ELAPOR2: variants seen among roughly 807,000 people sequenced by gnomAD.
ELAPOR2 encodes the protein endosome/lysosome-associated apoptosis and autophagy regulator family member 2.
ELAPOR2 carries 89 observed loss-of-function variants against 120.7 expected under a neutral mutation model. The observed-to-expected ratio is 0.74, with a 90% CI of 0.62 to 0.88. ELAPOR2 has a LOEUF of 0.88. Among genes scored for constraint, ELAPOR2 ranks in the 40% least tolerant of loss-of-function variants. ELAPOR2 has a pLI of 0.00. For missense variants in ELAPOR2, 1,134 were observed against 1,251.6 expected (o/e 0.91, Z 1.42); for synonymous variants, 444 against 444.9 (o/e 1.00, Z 0.03).
chr7:86,964,915 C>T lies in ELAPOR2; in HGVS notation c.299G>A (p.Gly100Asp). ...DCSGLPDPVRGKECTFSCASG... is the reference protein window; with the variant it reads ...DCSGLPDPVRDKECTFSCASG... Reference sequence around the variant, plus strand: ...ATGACAAAACATACTGCATTCTTTGCCTCTCACTGGGTCAGGCAGGCCAGA... The same window carrying T: ...ATGACAAAACATACTGCATTCTTTGTCTCTCACTGGGTCAGGCAGGCCAGA... The change falls in exon 2 of 22, where the codon GGC becomes GAC. Residue 100 changes from glycine to aspartate, a missense_variant. Gly to Asp is a moderately conservative substitution (Grantham distance 94). Around this residue, in one of 3 missense-constraint regions of ELAPOR2, gnomAD observed 280 missense variants for 331.5 expected, o/e 0.84. Coordinates refer to ENST00000450689, the MANE Select transcript of ELAPOR2 (RefSeq NM_001142749.3). The T allele has an allele frequency of 3.2e-6, 5 of 1,551,416 alleles. No homozygotes were observed. Among genetic ancestry groups the T allele is most frequent in the Non-Finnish European group, 4.4e-6 (5 of 1,146,820 alleles).
At chr7:87,027,132 A>T (rs1045496378) in intron 1 of ELAPOR2, among the ~76,000 whole-genome samples, 1 of 152,138 alleles carries the variant, frequency 6.6e-6, no homozygotes, top group African/African-American at 2.4e-5. Flanking sequence ...GATGGTACAT[A>T]TATTTAATGT....
At chr7:87,000,404 T>C (rs1793279378) in intron 1 of ELAPOR2, among the ~76,000 whole-genome samples, 1 of 152,004 alleles carries the variant, frequency 6.6e-6, no homozygotes, top group South Asian at 2.1e-4. Context: ...TATTAAGGTG[T>C]CATGTAAATA....
At chr7:87,016,306 G>A (rs1793865683) in intron 1 of ELAPOR2, among the ~76,000 whole-genome samples, 1 of 151,992 alleles carries the variant, frequency 6.6e-6, no homozygotes, top group Non-Finnish European at 1.5e-5. Flanking sequence ...GGATTTACAA[G>A]TAAGGGGATG....
At chr7:86,945,695 T>C (rs1790970397) in intron 3 of ELAPOR2, among the ~76,000 whole-genome samples, 1 of 152,152 alleles carries the variant, frequency 6.6e-6, no homozygotes, top group Non-Finnish European at 1.5e-5. Flanking sequence ...TATATAAAGG[T>C]ACAATAATAA....
chr7:86,954,594 T>C (rs1457222261), intron 2 of ELAPOR2, among the ~76,000 whole-genome samples: 1 of 152,128 alleles, frequency 6.6e-6, no homozygotes, highest in Non-Finnish European at 1.5e-5. Context: ...TTATTACAGA[T>C]AAATATCTGG....
chr7:86,894,453 C>T (rs867159319), intron 19 of ELAPOR2, among the ~76,000 whole-genome samples: 26 of 151,780 alleles, frequency 1.7e-4, no homozygotes, highest in African/African-American at 6.1e-4. Flanking sequence ...AAGACTGTAC[C>T]ATCTTTGATA....
rs567490560 is a variant in ELAPOR2 at position 87,053,931 on chromosome 7, C to T, written c.189+5394G>A. Reference sequence around the variant, plus strand: ...CATTCTCACTGCACACGGAAATTTTCCGTCACTGTACTTATGGCAAATGTA... The same window carrying T: ...CATTCTCACTGCACACGGAAATTTTTCGTCACTGTACTTATGGCAAATGTA... On this transcript the variant is annotated intron_variant, in intron 1 of 21. Transcript: ENST00000450689. Among the ~76,000 whole-genome samples, 4 of 152,258 alleles carry T rather than the reference C, an allele frequency of 2.6e-5. No individual in the cohort carries two copies. In the East Asian group the frequency reaches 7.7e-4, roughly 29 times the overall value.
Position 86,913,066 on chromosome 7 carries a change from C to T in ELAPOR2, c.1870G>A (p.Gly624Ser). ...TTGGTTTCTTTCTCAATGTAGTGGC[C>T]TGGAGGGCAGGGGACACACGATGAA... ...SGSSCVPCPP[G>S]HYIEKETNQC... is the part of the protein sequence containing the mutation. Residue 624 changes from glycine (G) to serine (S), a missense_variant, in exon 14 of 22, where the codon GGC becomes AGC. This residue lies in a region of ELAPOR2 where 831 missense variants were observed against 867.6 expected (regional missense o/e 0.96). Transcript: ENST00000450689. 6.2e-7 allele frequency: 1 copy of T among 1,614,040 alleles called. No homozygotes were observed. Among genetic ancestry groups the T allele is most frequent in the Non-Finnish European group, 8.5e-7 (1 of 1,179,992 alleles).
chr7:87,037,059 T>A (rs1794611160), intron 1 of ELAPOR2, among the ~76,000 whole-genome samples: 1 of 152,162 alleles, frequency 6.6e-6, no homozygotes, highest in African/African-American at 2.4e-5. Flanking sequence ...CCTTCTCTAC[T>A]GGCTGTACCT....
intron 1 of ELAPOR2, among the ~76,000 whole-genome samples, chr7:87,029,157 T>C (rs1794347039): frequency 6.6e-6 from 1 of 152,220 alleles, no homozygotes. Flanking sequence ...TACCATTTCA[T>C]AATCTCCATA....
chr7:86,949,297 TA>T (rs1562938989), intron 2 of ELAPOR2, among the ~76,000 whole-genome samples: 1 of 152,136 alleles, frequency 6.6e-6, no homozygotes, highest in Admixed American at 6.5e-5. Context: ...CTCTAGGCCT[TA>T]GTTTCTGTCT....
At chr7:86,975,449 T>C (rs888947763) in intron 1 of ELAPOR2, among the ~76,000 whole-genome samples, 15 of 152,230 alleles carry the variant, frequency 9.9e-5, no homozygotes, top group East Asian at 7.7e-4. Flanking sequence ...AAAATAATAA[T>C]GTAACCCTAA....
At chr7:87,045,894 CACA>C (rs1247027422) in intron 1 of ELAPOR2, among the ~76,000 whole-genome samples, 2 of 151,912 alleles carry the variant, frequency 1.3e-5, no homozygotes, top group East Asian at 1.9e-4. Flanking sequence ...AGATCTTGAA[CACA>C]ACAAGAATGC....
intron 1 of ELAPOR2, among the ~76,000 whole-genome samples, chr7:87,026,214 C>T (rs762995381): frequency 2.5e-4 from 38 of 151,970 alleles, no homozygotes; most frequent in African/African-American, 5.1e-4. Flanking sequence ...TTCATTGAGC[C>T]GTGGTCATCA....
chr7:86,976,498 C>T (rs1792288459), intron 1 of ELAPOR2, among the ~76,000 whole-genome samples: 1 of 152,100 alleles, frequency 6.6e-6, no homozygotes, highest in Non-Finnish European at 1.5e-5. Flanking sequence ...CAATATAAAC[C>T]ACTATCTGAA....
At chr7:86,987,408 C>T (rs911184849) in intron 1 of ELAPOR2, among the ~76,000 whole-genome samples, 1 of 152,166 alleles carries the variant, frequency 6.6e-6, no homozygotes, top group Non-Finnish European at 1.5e-5. Context: ...AGTGAACAGG[C>T]ACCCTACAGA....
chr7:87,019,006 T>A (rs1014843541), intron 1 of ELAPOR2, among the ~76,000 whole-genome samples: 4 of 152,114 alleles, frequency 2.6e-5, no homozygotes, highest in Non-Finnish European at 5.9e-5. Flanking sequence ...AGGCAGAAAC[T>A]TCTAGAAAAA....
chr7:87,029,452 C>A (rs1794358218), intron 1 of ELAPOR2, among the ~76,000 whole-genome samples: 1 of 152,194 alleles, frequency 6.6e-6, no homozygotes, highest in Non-Finnish European at 1.5e-5. Flanking sequence ...AGATTGAGAG[C>A]TACTTCACTG....
At chr7:87,018,629 A>T (rs1490174297) in intron 1 of ELAPOR2, among the ~76,000 whole-genome samples, 1 of 152,228 alleles carries the variant, frequency 6.6e-6, no homozygotes, top group East Asian at 1.9e-4. Flanking sequence ...TTAGTGCCCG[A>T]AAGTTCAATG....
Sources: allele counts gnomAD v4.1 joint callset (sites outside exome capture counted in the v4.1 genomes callset), GRCh38; gene constraint gnomAD v4.1.1; regional missense constraint gnomAD v4.1.1; transcripts MANE v1.5; gene names NCBI Gene and HGNC (gene_info 2026-07-23, HGNC 2026-07-21).